MSRA: variants seen among roughly 807,000 people sequenced by gnomAD.
MSRA encodes the protein methionine sulfoxide reductase A, also known as mitochondrial peptide methionine sulfoxide reductase.
Under a neutral mutation model 31.3 loss-of-function variants are expected in MSRA, and 54 were observed. The observed-to-expected ratio is 1.73, with a 90% CI of 1.39 to 2.17. MSRA has a LOEUF of 2.17. MSRA is among the 30% of genes most tolerant of loss of function. The pLI, the probability that MSRA is intolerant of heterozygous loss-of-function variation, is 0.00. For missense variants in MSRA, 507 were observed against 300.9 expected (o/e 1.69, Z -5.07); for synonymous variants, 169 against 116.5 (o/e 1.45, Z -2.90).
intron 1 of MSRA, among the ~76,000 whole-genome samples, chr8:10,090,997 G>A (rs560411408): frequency 5.2e-4 from 79 of 152,330 alleles, no homozygotes; most frequent in African/African-American, 1.8e-3. Context: ...GGGCATTTAT[G>A]TGTGCATTTT....
intron 5 of MSRA, among the ~76,000 whole-genome samples, chr8:10,380,963 G>A (rs531949775): frequency 2.0e-5 from 3 of 152,104 alleles, no homozygotes; most frequent in South Asian, 2.1e-4. Context: ...ATAGATGGAC[G>A]GATGGGTAGA....
At chr8:10,211,487 C>A (rs1809491138) in intron 2 of MSRA, among the ~76,000 whole-genome samples, 1 of 152,164 alleles carries the variant, frequency 6.6e-6, no homozygotes, top group African/African-American at 2.4e-5. Flanking sequence ...GTGATGCTGT[C>A]TTTCAAGTCA....
chr8:10,188,197 A>T (rs1220347890), intron 1 of MSRA, among the ~76,000 whole-genome samples: 1 of 152,242 alleles, frequency 6.6e-6, no homozygotes, highest in Non-Finnish European at 1.5e-5. Context: ...GGAAATGCAC[A>T]TTGGTGTAAT....
At chr8:10,341,209 G>C (rs1436875866) in intron 5 of MSRA, among the ~76,000 whole-genome samples, 1 of 152,192 alleles carries the variant, frequency 6.6e-6, no homozygotes, top group African/African-American at 2.4e-5. Context: ...AGATTTAATT[G>C]GCTCATGATT....
chr8:10,063,968 GCTTAGATTGCT>G (rs1350297296), intron 1 of MSRA, among the ~76,000 whole-genome samples: 4 of 152,198 alleles, frequency 2.6e-5, no homozygotes, highest in South Asian at 2.1e-4. Context: ...GGCTGTTTCA[GCTTAGATTGCT>G]CTTAGAGTTG....
chr8:10,077,521 C>G (rs1309721348), intron 1 of MSRA, among the ~76,000 whole-genome samples: 2 of 125,968 alleles, frequency 1.6e-5, no homozygotes, highest in Non-Finnish European at 3.2e-5. Flanking sequence ...CAGAGTCTCA[C>G]TATGTTGCCC....
intron 1 of MSRA, among the ~76,000 whole-genome samples, chr8:10,187,830 G>A (rs1184510078): frequency 6.6e-6 from 1 of 152,098 alleles, no homozygotes; most frequent in Non-Finnish European, 1.5e-5. Context: ...TAGTTCTGTT[G>A]TATAACAGAA....
At chr8:10,295,841 G>T (rs535967817) in intron 3 of MSRA, among the ~76,000 whole-genome samples, 1 of 152,254 alleles carries the variant, frequency 6.6e-6, no homozygotes, top group East Asian at 1.9e-4. Context: ...AAAGGTTCTT[G>T]TCAGAGGAAG....
intron 1 of MSRA, among the ~76,000 whole-genome samples, chr8:10,199,154 A>G (rs6982806): frequency 0.49 from 74,088 of 151,806 alleles, 18,411 homozygotes; most frequent in African/African-American, 0.6. Flanking sequence ...AGCCTGGAGA[A>G]ATGGTTTCCA....
chr8:10,182,812 C>G (rs1036255867), intron 1 of MSRA, among the ~76,000 whole-genome samples: 1 of 152,144 alleles, frequency 6.6e-6, no homozygotes, highest in Non-Finnish European at 1.5e-5. Flanking sequence ...AGAGAGTGTC[C>G]TAGTCACAGT....
rs568818987 is a variant in MSRA, at chr8:10,125,060, A to G, written c.142+70402A>G. Among the ~76,000 whole-genome samples, 4 of 152,232 alleles carry G rather than the reference A, an allele frequency of 2.6e-5. No homozygotes were observed. The East Asian group carries it at 7.7e-4, about 29-fold the overall frequency. On this transcript the variant is annotated intron_variant, in intron 1 of 5. Transcript: ENST00000317173. The stretch of plus-strand genomic sequence containing the variant: ...TGTTCCATCTTCTTGATGAAACACT[A>G]GTTGCTCTGTGTCTGTCATTAGCGA...
intron 1 of MSRA, among the ~76,000 whole-genome samples, chr8:10,135,392 A>G (rs1585003180): frequency 6.6e-6 from 1 of 152,346 alleles, no homozygotes; most frequent in South Asian, 2.1e-4. Context: ...TCTACCTAAA[A>G]TGCTCTTTTG....
intron 1 of MSRA, among the ~76,000 whole-genome samples, chr8:10,157,429 A>C (rs1804250849): frequency 1.3e-5 from 2 of 152,102 alleles, no homozygotes; most frequent in African/African-American, 2.4e-5. Context: ...TGGGAAACTA[A>C]AATAGCATGA....
chr8:10,182,188 T>C (rs1806606686), intron 1 of MSRA, among the ~76,000 whole-genome samples: 1 of 152,160 alleles, frequency 6.6e-6, no homozygotes, highest in African/African-American at 2.4e-5. Context: ...ATGTCAGGTT[T>C]CCTGATTCCT....
At chr8:10,263,686 C>G (rs1448746748) in intron 3 of MSRA, among the ~76,000 whole-genome samples, 4 of 151,898 alleles carry the variant, frequency 2.6e-5, no homozygotes, top group Admixed American at 2.0e-4. Context: ...CACCTTGGGT[C>G]TTTCTGAAGG....
chr8:10,274,244 C>G, intron 3 of MSRA, among the ~76,000 whole-genome samples: 1 of 152,126 alleles, frequency 6.6e-6, no homozygotes, highest in East Asian at 1.9e-4. Flanking sequence ...ATGTAAAAGG[C>G]TTGGGTATGT....
chr8:10,422,919 A>G (rs1301312324), intron 5 of MSRA, among the ~76,000 whole-genome samples: 1 of 152,224 alleles, frequency 6.6e-6, no homozygotes, highest in Admixed American at 6.5e-5. Context: ...AAGTGGCCCC[A>G]TAGGGCCTGG....
chr8:10,279,429 A>G (rs1471111206), intron 3 of MSRA, among the ~76,000 whole-genome samples: 3 of 152,188 alleles, frequency 2.0e-5, no homozygotes, highest in Non-Finnish European at 4.4e-5. Context: ...CTAAGAGATA[A>G]CAACTCCCTT....
rs188374113 is a variant in MSRA at position 10,245,328 on chromosome 8, T to A, written c.331+105T>A. The A allele has an allele frequency of 6.4e-6, 7 of 1,097,528 alleles. No individual in the cohort carries two copies. The East Asian group carries it at 1.2e-4, about 19-fold the overall frequency. 68.0% of individuals were successfully genotyped at this position (1,097,528 alleles called of 1,614,324 possible). On this transcript the variant is annotated intron_variant, in intron 3 of 5. Transcript: ENST00000317173. ...AAATGGAAATATGTTTTTTTAAAAA[T>A]GTTTCTTCAATCTTTATTATTTGTA...
Sources: allele counts gnomAD v4.1 joint callset (sites outside exome capture counted in the v4.1 genomes callset), GRCh38; gene constraint gnomAD v4.1.1; transcripts MANE v1.5; gene names NCBI Gene and HGNC (gene_info 2026-07-23, HGNC 2026-07-21).